TSPAN5: variants seen among roughly 807,000 people sequenced by gnomAD.
TSPAN5 encodes tetraspanin 5.
In TSPAN5, 10 loss-of-function variants were observed where a neutral mutation model predicts 37.1. That is an observed-to-expected ratio of 0.27 (90% CI 0.17 to 0.46). The LOEUF (loss-of-function observed/expected upper bound fraction) is 0.46. Among genes scored for constraint, TSPAN5 ranks in the 20% least tolerant of loss-of-function variants. The probability of loss-of-function intolerance (pLI) is 1.00; values close to 1 mark genes in which losing one functional copy is unlikely to be tolerated. For missense variants in TSPAN5, 195 were observed against 326.6 expected (o/e 0.60, Z 3.11); for synonymous variants, 110 against 118.9 (o/e 0.93, Z 0.48).
chr4:98,549,298 T>TTG lies in TSPAN5; in HGVS notation c.82-41571_82-41570insCA, dbSNP rs145758666. ...GTTTTATTTTTGTTTGTTTGTTTGT[T>TTG]TTTGTTTTTTTTTGTTTTTTTTGAG... On this transcript the variant is annotated intron_variant, in intron 1 of 7. Coordinates refer to ENST00000305798, the MANE Select transcript of TSPAN5 (RefSeq NM_005723.4). Among the ~76,000 whole-genome samples the TTG allele has an allele frequency of 5.2e-3, 656 of 125,228 alleles. 11 individuals are homozygous for TTG. The highest frequency in any genetic ancestry group is 0.027 in the African/African-American group (619 of 22,638). 82.2% of individuals were successfully genotyped at this position (125,228 alleles called of 152,430 possible). A position where few individuals can be genotyped will look rare whatever the true frequency, so the allele number is the denominator to read the frequency against.
intron 1 of TSPAN5, among the ~76,000 whole-genome samples, chr4:98,621,363 AC>A (rs1240756091): frequency 6.7e-5 from 8 of 119,182 alleles, no homozygotes; most frequent in African/African-American, 2.8e-4. Context: ...CCAATATGTC[AC>A]TTTTTTTTTT....
chr4:98,651,279 AATAACTGGCTT>A (rs1167079565), intron 1 of TSPAN5, among the ~76,000 whole-genome samples: 1 of 152,220 alleles, frequency 6.6e-6, no homozygotes, highest in Non-Finnish European at 1.5e-5. Flanking sequence ...CATTCTGCAA[AATAACTGGCTT>A]ATAATTGTCA....
chr4:98,520,996 A>G (rs1305403278), intron 1 of TSPAN5, among the ~76,000 whole-genome samples: 1 of 152,108 alleles, frequency 6.6e-6, no homozygotes, highest in African/African-American at 2.4e-5. Flanking sequence ...CAGTGGCGCA[A>G]TCTCGGCTCA....
chr4:98,492,944 G>T (rs932445109), intron 2 of TSPAN5, among the ~76,000 whole-genome samples: 1 of 152,176 alleles, frequency 6.6e-6, no homozygotes, highest in Non-Finnish European at 1.5e-5. Flanking sequence ...TTGGGAGGCC[G>T]AGGTAGGGGG....
intron 1 of TSPAN5, among the ~76,000 whole-genome samples, chr4:98,545,668 T>A (rs767456089): frequency 2.6e-5 from 4 of 152,164 alleles, no homozygotes; most frequent in Non-Finnish European, 5.9e-5. Context: ...TAGCTGTGAC[T>A]ACTGGCGTGT....
intron 2 of TSPAN5, among the ~76,000 whole-genome samples, chr4:98,494,736 A>C (rs1309169396): frequency 6.6e-6 from 1 of 152,094 alleles, no homozygotes; most frequent in East Asian, 1.9e-4. Flanking sequence ...GTCTAACCCA[A>C]CTGCACTGGA....
At chr4:98,654,199 G>A (rs966368899) in intron 1 of TSPAN5, among the ~76,000 whole-genome samples, 1 of 152,324 alleles carries the variant, frequency 6.6e-6, no homozygotes, top group South Asian at 2.1e-4. Flanking sequence ...CCCCAAGTGA[G>A]AACTGTCCAG....
intron 5 of TSPAN5, 92 bp downstream of exon 5, chr4:98,478,591 AAG>A: frequency 6.7e-7 from 1 of 1,495,788 alleles, no homozygotes; most frequent in Non-Finnish European, 9.3e-7. Flanking sequence ...ACCAGGTAAG[AAG>A]AGGGTTCAAC....
At chr4:98,568,533 C>T (rs944759159) in intron 1 of TSPAN5, among the ~76,000 whole-genome samples, 1 of 151,828 alleles carries the variant, frequency 6.6e-6, no homozygotes, top group South Asian at 2.1e-4. Context: ...CAGTCCCCCA[C>T]CCCCAGCCCA....
intron 1 of TSPAN5, among the ~76,000 whole-genome samples, chr4:98,587,165 A>G (rs1424622764): frequency 6.6e-6 from 1 of 152,222 alleles, no homozygotes; most frequent in Non-Finnish European, 1.5e-5. Flanking sequence ...GGCGCCAAAG[A>G]AGGGCATTCA....
chr4:98,533,975 T>C (rs1344514616), intron 1 of TSPAN5, among the ~76,000 whole-genome samples: 1 of 76,394 alleles, frequency 1.3e-5, no homozygotes, highest in Non-Finnish European at 2.6e-5. Flanking sequence ...AGCTCCTGGA[T>C]TCATTGATTT....
chr4:98,649,087 A>T (rs997079604), intron 1 of TSPAN5, among the ~76,000 whole-genome samples: 6 of 152,340 alleles, frequency 3.9e-5, no homozygotes, highest in South Asian at 2.1e-4. Context: ...TAATTTTTTT[A>T]AAAATGTACT....
intron 2 of TSPAN5, among the ~76,000 whole-genome samples, chr4:98,499,194 G>T (rs575796723): frequency 6.6e-6 from 1 of 152,312 alleles, no homozygotes; most frequent in Admixed American, 6.5e-5. Context: ...CTTCCACCAG[G>T]CCCAGAGAGC....
chr4:98,478,177 TCTCCTCCTA>T (rs1752749516), intron 5 of TSPAN5, among the ~76,000 whole-genome samples: 1 of 152,090 alleles, frequency 6.6e-6, no homozygotes, highest in African/African-American at 2.4e-5. Flanking sequence ...TGTCTCAAAC[TCTCCTCCTA>T]CTCCTAATAG....
intron 2 of TSPAN5, among the ~76,000 whole-genome samples, chr4:98,503,346 G>A (rs533676737): frequency 5.3e-4 from 80 of 152,204 alleles, no homozygotes; most frequent in Non-Finnish European, 9.6e-4. Flanking sequence ...ACACCAGAGC[G>A]GGGCCAGATG....
intron 1 of TSPAN5, among the ~76,000 whole-genome samples, chr4:98,579,983 A>T (rs1351795680): frequency 6.6e-6 from 1 of 152,196 alleles, no homozygotes; most frequent in Non-Finnish European, 1.5e-5. Flanking sequence ...CATATATATG[A>T]CTATAATAGT....
intron 1 of TSPAN5, among the ~76,000 whole-genome samples, chr4:98,567,618 A>C (rs1483759490): frequency 1.3e-5 from 2 of 152,222 alleles, no homozygotes; most frequent in Non-Finnish European, 2.9e-5. Flanking sequence ...ATGTAATCGC[A>C]GATGGGTCTG....
At chr4:98,545,160 G>A (rs1754441955) in intron 1 of TSPAN5, among the ~76,000 whole-genome samples, 1 of 152,194 alleles carries the variant, frequency 6.6e-6, no homozygotes, top group Admixed American at 6.5e-5. Context: ...AGAGAAGAGG[G>A]TTTTTCTTCC....
chr4:98,521,182 G>A (rs747152265), intron 1 of TSPAN5, among the ~76,000 whole-genome samples: 5 of 152,148 alleles, frequency 3.3e-5, no homozygotes, highest in African/African-American at 4.8e-5. Flanking sequence ...CACCTGCCTC[G>A]GCTTCCCAAA....
Sources: allele counts gnomAD v4.1 joint callset (sites outside exome capture counted in the v4.1 genomes callset), GRCh38; gene constraint gnomAD v4.1.1; transcripts MANE v1.5; gene names NCBI Gene and HGNC (gene_info 2026-07-23, HGNC 2026-07-21).